CACNA1C: variants seen among roughly 807,000 people sequenced by gnomAD.
The protein encoded by CACNA1C is calcium voltage-gated channel subunit alpha1 C, also known as voltage-dependent L-type calcium channel subunit alpha-1C.
Under a neutral mutation model 229.0 loss-of-function variants are expected in CACNA1C, and 30 were observed. The observed-to-expected ratio is 0.13, with a 90% confidence interval of 0.10 to 0.18. The LOEUF (loss-of-function observed/expected upper bound fraction) is 0.18, where lower values mean the gene tolerates loss of function less well. Ranked by LOEUF, CACNA1C falls within the 10% of genes least tolerant of loss-of-function variation. The pLI is 1.00. For synonymous variants in CACNA1C, 1,114 were observed against 1,132.5 expected (o/e 0.98, Z 0.33); for missense variants, 1,658 against 2,845.0 (o/e 0.58, Z 9.49).
chr12:2,067,601 T>C lies in CACNA1C; in HGVS notation c.49+13990T>C, dbSNP rs757706036. On this transcript the variant is annotated intron_variant, in intron 1 of 46. Coordinates refer to ENST00000399655, the MANE Select transcript of CACNA1C (RefSeq NM_000719.7). The surrounding 1 kb of genome is among the most constrained non-coding windows in gnomAD (Gnocchi z 5.3). ...ACACCAAAGCAGAGAGAGCTCGTGG[T>C]GTGCAGCCCTGAGGTCACGTTTGTG... Among the ~76,000 whole-genome samples the C allele has an allele frequency of 6.6e-6, 1 of 152,104 alleles. No homozygotes were observed. The highest frequency in any genetic ancestry group is 6.5e-5 in the Admixed American group (1 of 15,272).
rs1302972152 is a variant in CACNA1C at position 2,651,173 on chromosome 12, C to G, written c.3946-467C>G. ...AGCTGGGAGAGAGGCCAGCCACCAA[C>G]CCACATCCTCGGAGAGTGCTGGGCT... On this transcript the variant is annotated intron_variant, in intron 31 of 46. Transcript: ENST00000399655. This position sits in a 1 kb window ranked among gnomAD's most constrained non-coding sequence, Gnocchi z 5.4. 4.3e-5 allele frequency: 7 copies of G among 162,512 alleles called. No homozygotes were observed. Among genetic ancestry groups the G allele is most frequent in the African/African-American group, 7.2e-5 (3 of 41,926 alleles). 10.1% of individuals were successfully genotyped at this position (162,512 alleles called of 1,614,324 possible).
intron 3 of CACNA1C, among the ~76,000 whole-genome samples, chr12:2,380,268 C>A (rs893480533): frequency 6.6e-6 from 1 of 152,070 alleles, no homozygotes; most frequent in Admixed American, 6.6e-5. Context: ...GTAGTCTAAC[C>A]CTAACTTGCA....
At chr12:2,682,434 G>T (rs1376878271) in intron 42 of CACNA1C, 116 bp from the exon 43 acceptor site, 3 of 1,226,438 alleles carry the variant, frequency 2.4e-6, no homozygotes, top group Non-Finnish European at 3.4e-6. Context: ...GTGTGTGCTT[G>T]TGTTTGTGCA....
intron 1 of CACNA1C, among the ~76,000 whole-genome samples, chr12:2,073,211 A>C (rs991480449): frequency 1.3e-5 from 2 of 152,248 alleles, no homozygotes; most frequent in African/African-American, 2.4e-5. Context: ...AACGTGGTCC[A>C]ACAGATCAGC....
At chr12:2,043,907 G>A (rs923244833) in intron 1 of CACNA1C, among the ~76,000 whole-genome samples, 36 of 151,366 alleles carry the variant, frequency 2.4e-4, no homozygotes, top group Admixed American at 4.6e-4. Context: ...CACCCGCCTC[G>A]GCCTCCCAAA....
Position 2,135,185 on chromosome 12 carries a change from G to C in CACNA1C, c.477+14755G>C, listed in dbSNP as rs972602774. Among the ~76,000 whole-genome samples, 18 of 145,016 alleles carry C rather than the reference G, an allele frequency of 1.2e-4. No homozygotes were observed. The South Asian group carries it at 3.5e-3, about 28-fold the overall frequency. ...GCTCCTTTAAGCACTTCTCTGTATT[G>C]GTTATTCTAGTTATACATTCTTCTA... On this transcript the variant is annotated intron_variant, in intron 3 of 46. Coordinates refer to ENST00000399655, the MANE Select transcript of CACNA1C (RefSeq NM_000719.7).
In CACNA1C at chr12:2,512,009, G is replaced by A. The variant is rs1285419696; in HGVS notation, c.1218-803G>A. Among the ~76,000 whole-genome samples the A allele has an allele frequency of 1.3e-5, 2 of 152,046 alleles. No individual in the cohort carries two copies. Among genetic ancestry groups the A allele is most frequent in the African/African-American group, 2.4e-5 (1 of 41,374 alleles). Reference sequence around the variant, plus strand: ...GCCCCCAGGACATTTTCTTGTGTTTGGAATCTTCATTTGTCTTCATGTGGG... The same window carrying A: ...GCCCCCAGGACATTTTCTTGTGTTTAGAATCTTCATTTGTCTTCATGTGGG... On this transcript the variant is annotated intron_variant, in intron 8 of 46. Transcript: ENST00000399655. This position sits in a 1 kb window ranked among gnomAD's most constrained non-coding sequence, Gnocchi z 4.3.
At position 2,585,169 on chromosome 12, in the gene CACNA1C, C is replaced by T. The variant is rs557555497; in HGVS notation, c.2340-207C>T. ...CTCTGGAGCTGCAAGAGGCCAATTGCGTGTCAGGCAGAGCAGGTGTAGCTC... is the reference window on the plus strand; with the variant it reads ...CTCTGGAGCTGCAAGAGGCCAATTGTGTGTCAGGCAGAGCAGGTGTAGCTC... On this transcript the variant is annotated intron_variant, in intron 16 of 46. Coordinates refer to ENST00000399655, the MANE Select transcript of CACNA1C (RefSeq NM_000719.7). The surrounding 1 kb of genome is among the most constrained non-coding windows in gnomAD (Gnocchi z 4.1). 1.2e-4 allele frequency among the ~76,000 whole-genome samples: 19 copies of T among 152,274 alleles called. No homozygotes were observed. The highest frequency in any genetic ancestry group is 4.2e-4 in the South Asian group (2 of 4,816).
chr12:2,498,370 A>G (rs1255483351), intron 7 of CACNA1C, among the ~76,000 whole-genome samples: 1 of 152,210 alleles, frequency 6.6e-6, no homozygotes, highest in African/African-American at 2.4e-5. Flanking sequence ...CCTAAAATGG[A>G]GAATCCCTGA....
At position 2,551,977 on chromosome 12, in the gene CACNA1C, G is replaced by T. The variant is rs7314637; in HGVS notation, c.1481+1944G>T. Among the ~76,000 whole-genome samples, 384 of 152,306 alleles carry T rather than the reference G, an allele frequency of 2.5e-3. 2 individuals carry two copies. The highest frequency in any genetic ancestry group is 8.7e-3 in the African/African-American group (363 of 41,562). On this transcript the variant is annotated intron_variant, in intron 10 of 46. Coordinates refer to ENST00000399655, the MANE Select transcript of CACNA1C (RefSeq NM_000719.7). ...AGGGTGGACACACATGTTTGAGGTTGTTGGGATGAAAACTACCAATGAGGT... is the reference window on the plus strand; with the variant it reads ...AGGGTGGACACACATGTTTGAGGTTTTTGGGATGAAAACTACCAATGAGGT...
intron 13 of CACNA1C, among the ~76,000 whole-genome samples, chr12:2,568,425 T>C (rs888029844): frequency 1.3e-5 from 2 of 152,216 alleles, no homozygotes; most frequent in African/African-American, 4.8e-5. Flanking sequence ...AAAACGTTAA[T>C]GATAGGATTA....
intron 3 of CACNA1C, among the ~76,000 whole-genome samples, chr12:2,420,148 T>C (rs2098963303): frequency 8.0e-6 from 1 of 125,746 alleles, no homozygotes; most frequent in Admixed American, 8.5e-5. Context: ...TGTGTGTGTG[T>C]AGGGGGAGGG....
intron 13 of CACNA1C, among the ~76,000 whole-genome samples, chr12:2,581,350 G>A (rs867352077): frequency 3.3e-5 from 5 of 152,182 alleles, no homozygotes; most frequent in Non-Finnish European, 7.3e-5. Context: ...GAGCTAGGTC[G>A]CGGGCTTCTG....
At chr12:2,685,449 C>G (rs2097402666) in intron 43 of CACNA1C, among the ~76,000 whole-genome samples, 1 of 151,554 alleles carries the variant, frequency 6.6e-6, no homozygotes, top group Non-Finnish European at 1.5e-5. Flanking sequence ...TTTCCGCTTT[C>G]TCAACACCTT....
chr12:2,230,926 C>T (rs1023940924), intron 3 of CACNA1C, among the ~76,000 whole-genome samples: 1 of 152,206 alleles, frequency 6.6e-6, no homozygotes, highest in African/African-American at 2.4e-5. Flanking sequence ...AAGACCCTTG[C>T]TAACAGGTGT....
intron 3 of CACNA1C, among the ~76,000 whole-genome samples, chr12:2,128,055 G>C (rs2090841513): frequency 6.6e-6 from 1 of 152,154 alleles, no homozygotes; most frequent in Admixed American, 6.5e-5. Context: ...CACACGTAAG[G>C]CTCTCCATAA....
intron 3 of CACNA1C, among the ~76,000 whole-genome samples, chr12:2,259,443 A>C (rs2079204277): frequency 6.6e-6 from 1 of 152,260 alleles, no homozygotes; most frequent in Non-Finnish European, 1.5e-5. Flanking sequence ...TTATCAAAAA[A>C]AGAAAAAAAG....
rs961237592 is a variant in CACNA1C at position 2,403,673 on chromosome 12, T to C, written c.478-45303T>C. Among the ~76,000 whole-genome samples, 1 of 152,146 alleles carries C rather than the reference T, an allele frequency of 6.6e-6. No individual in the cohort carries two copies. Among genetic ancestry groups the C allele is most frequent in the Admixed American group, 6.5e-5 (1 of 15,278 alleles). On this transcript the variant is annotated intron_variant, in intron 3 of 46. Coordinates refer to ENST00000399655, the MANE Select transcript of CACNA1C (RefSeq NM_000719.7). This position sits in a 1 kb window ranked among gnomAD's most constrained non-coding sequence, Gnocchi z 4.1. ...GTACAGTAAATAACAGATGAGAAGATGACTCGTGCAACCTGCAGGGCCCCT... is the reference window on the plus strand; with the variant it reads ...GTACAGTAAATAACAGATGAGAAGACGACTCGTGCAACCTGCAGGGCCCCT...
intron 3 of CACNA1C, among the ~76,000 whole-genome samples, chr12:2,321,970 G>A (rs1371198033): frequency 6.6e-6 from 1 of 152,214 alleles, no homozygotes; most frequent in African/African-American, 2.4e-5. Flanking sequence ...GAGTTCTTGG[G>A]AGGTGTCCCA....
Sources: allele counts gnomAD v4.1 joint callset (sites outside exome capture counted in the v4.1 genomes callset), GRCh38; gene constraint gnomAD v4.1.1; non-coding constraint Gnocchi (gnomAD v3.1); transcripts MANE v1.5; gene names NCBI Gene and HGNC (gene_info 2026-07-23, HGNC 2026-07-21).